The following DR1 variants were observed in gnomAD, a reference collection of about 807,000 sequenced individuals.
The protein encoded by DR1 is down-regulator of transcription 1.
DR1 carries 7 observed loss-of-function variants against 19.9 expected under a neutral mutation model. The ratio of observed to expected loss-of-function variants is 0.35; its 90% CI spans 0.20 to 0.66. DR1 has a LOEUF of 0.66. Among genes scored for constraint, DR1 ranks in the 30% least tolerant of loss-of-function variants. DR1 has a pLI of 0.66. For synonymous variants in DR1, 76 were observed against 72.5 expected, an observed-to-expected ratio of 1.05 and a Z score of -0.24; for missense variants, 98 against 203.7, an observed-to-expected ratio of 0.48 and a Z score of 3.16.
intron 1 of DR1, among the ~76,000 whole-genome samples, chr1:93,347,793 C>T (rs887603065): frequency 3.3e-5 from 5 of 152,000 alleles, no homozygotes; most frequent in Non-Finnish European, 5.9e-5. Flanking sequence ...CATAATGTTT[C>T]GGGAACGTAC....
Position 93,346,591 on chromosome 1 carries a change from T to A in DR1, c.-55T>A. The A allele has an allele frequency of 6.9e-7, 1 of 1,459,792 alleles. No individual in the cohort carries two copies. Among genetic ancestry groups the A allele is most frequent in the Non-Finnish European group, 9.5e-7 (1 of 1,049,970 alleles). The allele number at this position is 1,459,792 out of a possible 1,614,324, so 90.4% of individuals were successfully genotyped here. On this transcript the variant is annotated 5_prime_UTR_variant, in exon 1 of 3. Transcript: ENST00000370272. Reference sequence around the variant, plus strand: ...TTTTTGAGAAATCTCGGTGGAGTAGTGGACCAGAGCTGGGGAGTTTTTAAA... The same window carrying A: ...TTTTTGAGAAATCTCGGTGGAGTAGAGGACCAGAGCTGGGGAGTTTTTAAA...
chr1:93,357,114 A>C (rs1054553131), intron 2 of DR1, among the ~76,000 whole-genome samples: 1 of 152,118 alleles, frequency 6.6e-6, no homozygotes, highest in East Asian at 1.9e-4. Flanking sequence ...AGAATCAACT[A>C]TTTTTCCTAT....
At chr1:93,353,440 A>C (rs922394888) in intron 1 of DR1, among the ~76,000 whole-genome samples, 1 of 152,202 alleles carries the variant, frequency 6.6e-6, no homozygotes, top group Non-Finnish European at 1.5e-5. Flanking sequence ...GTATCTGCTA[A>C]AAATAGCTTC....
Position 93,361,404 on chromosome 1 carries a change from G to A in DR1, c.*765G>A, listed in dbSNP as rs1399680879. The A allele has an allele frequency of 2.0e-5, 3 of 152,462 alleles. No individual in the cohort carries two copies. The highest frequency in any genetic ancestry group is 7.2e-5 in the African/African-American group (3 of 41,416). The allele number at this position is 152,462 out of a possible 1,614,324, so 9.4% of individuals were successfully genotyped here. On this transcript the variant is annotated 3_prime_UTR_variant, in exon 3 of 3. Coordinates refer to ENST00000370272, the MANE Select transcript of DR1 (RefSeq NM_001938.3). ...ACTCTTTCACTCCAATTCAGTAATT[G>A]TTGATAGTATTACTTACCTAGTCCA...
At chr1:93,354,550 G>A (rs147539281) in intron 2 of DR1, among the ~76,000 whole-genome samples, 1 of 152,246 alleles carries the variant, frequency 6.6e-6, no homozygotes, top group Admixed American at 6.5e-5. Flanking sequence ...TTCCTTGCTT[G>A]TAATAATTCT....
rs1320533810 is a variant in DR1, at chr1:93,361,213, A to G, written c.*574A>G. ...ACTTCAAGACATTCAAAAACTAGGAAGGAGTATGTTTAATAGTATTTGTAT... is the reference window on the plus strand; with the variant it reads ...ACTTCAAGACATTCAAAAACTAGGAGGGAGTATGTTTAATAGTATTTGTAT... On this transcript the variant is annotated 3_prime_UTR_variant, in exon 3 of 3. Coordinates refer to ENST00000370272, the MANE Select transcript of DR1 (RefSeq NM_001938.3). 1 of 152,588 alleles carries G rather than the reference A, an allele frequency of 6.6e-6. No homozygotes were observed. The highest frequency in any genetic ancestry group is 1.5e-5 in the Non-Finnish European group (1 of 68,000). The allele number at this position is 152,588 out of a possible 1,614,324, so 9.5% of individuals were successfully genotyped here.
At position 93,362,126 on chromosome 1, in the gene DR1, A is replaced by G. The variant is rs958636778; in HGVS notation, c.*1487A>G. 2 of 152,466 alleles carry G rather than the reference A, an allele frequency of 1.3e-5. No individual in the cohort carries two copies. Among genetic ancestry groups the G allele is most frequent in the Non-Finnish European group, 2.9e-5 (2 of 67,894 alleles). 9.4% of individuals were successfully genotyped at this position (152,466 alleles called of 1,614,324 possible). A position where few individuals can be genotyped will look rare whatever the true frequency, so the allele number is the denominator to read the frequency against. On this transcript the variant is annotated 3_prime_UTR_variant, in exon 3 of 3. Coordinates refer to ENST00000370272, the MANE Select transcript of DR1 (RefSeq NM_001938.3). ...TTTATAACTGTTAGGTTTCTTAATG[A>G]TCATATTTTGCAGTTTTAGTAAAAG...
In DR1 at chr1:93,368,983, C is replaced by T. The variant is rs549991369; in HGVS notation, c.*8344C>T. 1.1e-4 allele frequency: 16 copies of T among 152,056 alleles called. No individual in the cohort carries two copies. The East Asian group carries it at 3.1e-3, about 29-fold the overall frequency. 9.4% of individuals were successfully genotyped at this position (152,056 alleles called of 1,614,324 possible). Reference sequence around the variant, plus strand: ...GGGGAAAAAACAAAAAATAACCCAACAATGAAATAGTATAAATTTTAAAAA... The same window carrying T: ...GGGGAAAAAACAAAAAATAACCCAATAATGAAATAGTATAAATTTTAAAAA... On this transcript the variant is annotated 3_prime_UTR_variant, in exon 3 of 3. Transcript: ENST00000370272.
intron 2 of DR1, among the ~76,000 whole-genome samples, chr1:93,359,964 CAGAA>C (rs1048092237): frequency 4.6e-5 from 7 of 152,004 alleles, no homozygotes; most frequent in African/African-American, 1.7e-4. Context: ...AATAGAAACT[CAGAA>C]AGAAATAATG....
At position 93,346,225 on chromosome 1, in the gene DR1, C is replaced by G; in HGVS notation, c.-421C>G. The G allele has an allele frequency of 4.3e-6, 1 of 231,486 alleles. No individual in the cohort carries two copies. Among genetic ancestry groups the G allele is most frequent in the Non-Finnish European group, 8.7e-6 (1 of 114,952 alleles). The allele number at this position is 231,486 out of a possible 1,614,324, so 14.3% of individuals were successfully genotyped here. On this transcript the variant is annotated 5_prime_UTR_variant, in exon 1 of 3. Coordinates refer to ENST00000370272, the MANE Select transcript of DR1 (RefSeq NM_001938.3). Reference sequence around the variant, plus strand: ...AGCGGGGCCTCGGGCTCTATAGAGCCGAGCCCGCTGGGTACCCGCCCGGTA... The same window carrying G: ...AGCGGGGCCTCGGGCTCTATAGAGCGGAGCCCGCTGGGTACCCGCCCGGTA...
intron 2 of DR1, among the ~76,000 whole-genome samples, chr1:93,357,570 A>C (rs1667003846): frequency 6.6e-6 from 1 of 151,900 alleles, no homozygotes; most frequent in Non-Finnish European, 1.5e-5. Context: ...TTTTTTGAAA[A>C]TGTACAATCA....
chr1:93,361,484 G>A lies in DR1; in HGVS notation c.*845G>A, dbSNP rs949918337. ...TGGTACTTTTGAAACAATTACATTGGTTCTCTTGGTTTAACTGAGGTTTAT... is the reference window on the plus strand; with the variant it reads ...TGGTACTTTTGAAACAATTACATTGATTCTCTTGGTTTAACTGAGGTTTAT... On this transcript the variant is annotated 3_prime_UTR_variant, in exon 3 of 3. Coordinates refer to ENST00000370272, the MANE Select transcript of DR1 (RefSeq NM_001938.3). The A allele has an allele frequency of 6.6e-6, 1 of 152,504 alleles. No individual in the cohort carries two copies. The highest frequency in any genetic ancestry group is 1.5e-5 in the Non-Finnish European group (1 of 67,958). The allele number at this position is 152,504 out of a possible 1,614,324, so 9.4% of individuals were successfully genotyped here.
chr1:93,349,622 A>G (rs1056254010), intron 1 of DR1, among the ~76,000 whole-genome samples: 2 of 152,092 alleles, frequency 1.3e-5, no homozygotes, highest in Non-Finnish European at 2.9e-5. Flanking sequence ...CCTCACATTT[A>G]TGAGAATTGT....
chr1:93,363,891 T>C lies in DR1; in HGVS notation c.*3252T>C, dbSNP rs1232915097. ...TTCATTACATCCAAAAGTTATTCAT[T>C]CTCCCATTAATAGTCTTTTGAGAAT... On this transcript the variant is annotated 3_prime_UTR_variant, in exon 3 of 3. Coordinates refer to ENST00000370272, the MANE Select transcript of DR1 (RefSeq NM_001938.3). The C allele has an allele frequency of 6.6e-6, 1 of 152,230 alleles. No homozygotes were observed. The highest frequency in any genetic ancestry group is 1.5e-5 in the Non-Finnish European group (1 of 68,030). The allele number at this position is 152,230 out of a possible 1,614,324, so 9.4% of individuals were successfully genotyped here.
Position 93,361,044 on chromosome 1 carries a change from G to GGGGA in DR1, c.*408_*409insAGGG. The GGGGA allele has an allele frequency of 1.8e-5, 1 of 55,866 alleles. No homozygotes were observed. The highest frequency in any genetic ancestry group is 5.4e-5 in the Non-Finnish European group (1 of 18,618). 3.5% of individuals were successfully genotyped at this position (55,866 alleles called of 1,614,324 possible). On this transcript the variant is annotated 3_prime_UTR_variant, in exon 3 of 3. Transcript: ENST00000370272. ...AAACTTGTGAATTTTAAATTATTAA[G>GGGGA]GGGGGGGTGCTGTGTGAATCAGTAG... is the stretch of plus-strand genomic sequence containing the variant.
In DR1 at chr1:93,364,066, TCAAA is replaced by T. The variant is rs1474640649; in HGVS notation, c.*3430_*3433del. Reference sequence around the variant, plus strand: ...ATATTTTCAGTTTTAGTATTTACTGTCAAACAGTTTTCCAAAGTGACTGTAAGAA... The same window carrying T: ...ATATTTTCAGTTTTAGTATTTACTGTCAGTTTTCCAAAGTGACTGTAAGAA... On this transcript the variant is annotated 3_prime_UTR_variant, in exon 3 of 3. Coordinates refer to ENST00000370272, the MANE Select transcript of DR1 (RefSeq NM_001938.3). 1 of 152,238 alleles carries T rather than the reference TCAAA, an allele frequency of 6.6e-6. No individual in the cohort carries two copies. Among genetic ancestry groups the T allele is most frequent in the Non-Finnish European group, 1.5e-5 (1 of 68,032 alleles). The allele number at this position is 152,238 out of a possible 1,614,324, so 9.4% of individuals were successfully genotyped here.
At chr1:93,346,914 C>T (rs1452639178) in intron 1 of DR1, 49 bp downstream of exon 1, 2 of 1,481,584 alleles carry the variant, frequency 1.3e-6, no homozygotes, top group Non-Finnish European at 1.9e-6. Context: ...GGGTAGCAGT[C>T]TGCTAATCGC....
At chr1:93,353,709 T>G (rs934806649) in intron 1 of DR1, among the ~76,000 whole-genome samples, 199 bp from the exon 2 acceptor site, 1 of 152,236 alleles carries the variant, frequency 6.6e-6, no homozygotes, top group Non-Finnish European at 1.5e-5. Context: ...ATTTGCCACC[T>G]AATATTTAGC....
rs989749266 is a variant in DR1 at position 93,366,837 on chromosome 1, C to T, written c.*6198C>T. 2.0e-5 allele frequency: 3 copies of T among 152,018 alleles called. No homozygotes were observed. Among genetic ancestry groups the T allele is most frequent in the African/African-American group, 7.3e-5 (3 of 41,376 alleles). The allele number at this position is 152,018 out of a possible 1,614,324, so 9.4% of individuals were successfully genotyped here. On this transcript the variant is annotated 3_prime_UTR_variant, in exon 3 of 3. Coordinates refer to ENST00000370272, the MANE Select transcript of DR1 (RefSeq NM_001938.3). ...GGTAATATGGTGAAACCCGTCTCTA[C>T]AGAAAAATTCAAAAATTAGCCAGAG... is the stretch of plus-strand genomic sequence containing the variant.
Sources: gnomAD v4.1 joint callset for allele counts (sites outside exome capture counted in the v4.1 genomes callset) on GRCh38, gnomAD v4.1.1 for gene constraint, MANE v1.5 for transcripts, NCBI Gene and HGNC (gene_info 2026-07-23, HGNC 2026-07-21) for gene names.